Variants in ANKS1A observed in about 807,000 individuals in gnomAD.
ANKS1A encodes the protein ankyrin repeat and sterile alpha motif domain containing 1A, also known as ankyrin repeat and SAM domain-containing protein 1A.
In ANKS1A, 55 loss-of-function variants were observed where a neutral mutation model predicts 120.3. The observed-to-expected ratio is 0.46, with a 90% CI of 0.37 to 0.57. ANKS1A has a LOEUF of 0.57. Among genes scored for constraint, ANKS1A ranks in the 20% least tolerant of loss-of-function variants. The probability of loss-of-function intolerance (pLI) is 0.00; values close to 1 mark genes in which losing one functional copy is unlikely to be tolerated. For synonymous variants in ANKS1A, 590 were observed against 604.7 expected (o/e 0.98, Z 0.36); for missense variants, 1,123 against 1,480.3 (o/e 0.76, Z 3.96).
chr6:34,975,342 T>G (rs942569946), intron 3 of ANKS1A, among the ~76,000 whole-genome samples: 1 of 151,780 alleles, frequency 6.6e-6, no homozygotes, highest in African/African-American at 2.4e-5. Context: ...TAATCCCAGC[T>G]ACTCGGGAGG....
Position 35,090,114 on chromosome 6 carries a change from T to C in ANKS1A, c.*1505T>C, listed in dbSNP as rs1415777999. The C allele has an allele frequency of 4.7e-6, 6 of 1,289,154 alleles. No homozygotes were observed. The highest frequency in any genetic ancestry group is 3.0e-5 in the African/African-American group (2 of 65,868). The allele number at this position is 1,289,154 out of a possible 1,614,324, so 79.9% of individuals were successfully genotyped here. On this transcript the variant is annotated 3_prime_UTR_variant, in exon 24 of 24. Coordinates refer to ENST00000360359, the MANE Select transcript of ANKS1A (RefSeq NM_015245.3). ...TTCTATCTGCTAAGCACCCAGCAGG[T>C]TGGGGCCTGGGACTCAGCTCTCTCT...
At position 34,970,232 on chromosome 6, in the gene ANKS1A, A is replaced by G. The variant is rs185788787; in HGVS notation, c.435+66A>G. The G allele has an allele frequency of 5.7e-5, 86 of 1,505,090 alleles. No individual in the cohort carries two copies. In the East Asian group the frequency reaches 1.6e-3, roughly 28 times the overall value. The allele number at this position is 1,505,090 out of a possible 1,614,324, so 93.2% of individuals were successfully genotyped here. A position where few individuals can be genotyped will look rare whatever the true frequency, so the allele number is the denominator to read the frequency against. ...AGCCAGATGTGGCAACCCCATCACC[A>G]TCTTAGCCCCATAGTTCAAATCTCA... On this transcript the variant is annotated intron_variant, in intron 3 of 23. Coordinates refer to ENST00000360359, the MANE Select transcript of ANKS1A (RefSeq NM_015245.3).
In ANKS1A at chr6:35,082,803, G is replaced by T; in HGVS notation, c.2822G>T (p.Gly941Val). The change falls in exon 18 of 24, where the codon GGT (glycine) becomes GTT (valine). Residue 941 changes from glycine to valine, a missense_variant. Gly to Val is a moderately radical substitution (Grantham distance 109, BLOSUM62 -3). This residue lies in a region of ANKS1A where 904 missense variants were observed against 1,130.4 expected (regional missense o/e 0.80). Transcript: ENST00000360359. This position sits in a 1 kb window ranked among gnomAD's most constrained non-coding sequence, Gnocchi z 4.1. Reference sequence around the variant, plus strand: ...GAGAAACTCATCTTCGAGTCCTGTGGTTATGAAGCCAATGTGAGTTGCTCC... The same window carrying T: ...GAGAAACTCATCTTCGAGTCCTGTGTTTATGAAGCCAATGTGAGTTGCTCC... ...QPEKLIFESC[G>V]YEANYLGSML... The T allele has an allele frequency of 6.2e-7, 1 of 1,613,696 alleles. No individual in the cohort carries two copies. The highest frequency in any genetic ancestry group is 1.1e-5 in the South Asian group (1 of 91,032).
chr6:35,086,037 A>G lies in ANKS1A; in HGVS notation c.3303+101A>G. On this transcript the variant is annotated intron_variant, in intron 22 of 23. Transcript: ENST00000360359. The surrounding 1 kb of genome is among the most constrained non-coding windows in gnomAD (Gnocchi z 5.1). ...GGAGGGTCTTCTGGCACTTCCAGAAAGCTGGCCCTCCAGGGAAATGACCCT... is the reference window on the plus strand; with the variant it reads ...GGAGGGTCTTCTGGCACTTCCAGAAGGCTGGCCCTCCAGGGAAATGACCCT... 2 of 1,428,852 alleles carry G rather than the reference A, an allele frequency of 1.4e-6. No homozygotes were observed. The highest frequency in any genetic ancestry group is 1.8e-6 in the Non-Finnish European group (2 of 1,084,928). The allele number at this position is 1,428,852 out of a possible 1,614,324, so 88.5% of individuals were successfully genotyped here.
chr6:35,096,501 G>C, the ANKS1A span, among the ~76,000 whole-genome samples: 1 of 152,174 alleles, frequency 6.6e-6, no homozygotes, highest in African/African-American at 2.4e-5. Context: ...AAAGTATTGT[G>C]AACACTAATT....
At chr6:35,018,987 C>T (rs1042536338) in intron 11 of ANKS1A, among the ~76,000 whole-genome samples, 13 of 152,150 alleles carry the variant, frequency 8.5e-5, no homozygotes, top group African/African-American at 3.1e-4. Context: ...ATCCCACATT[C>T]CCAGATTGGT....
chr6:34,944,798 G>C (rs1769706064), intron 1 of ANKS1A, among the ~76,000 whole-genome samples: 1 of 152,214 alleles, frequency 6.6e-6, no homozygotes, highest in South Asian at 2.1e-4. Flanking sequence ...GTTGTTCAAG[G>C]GTCAGCTGTA....
Position 35,017,567 on chromosome 6 carries a change from C to G in ANKS1A, c.1518C>G (p.Ser506=). 6.2e-7 allele frequency: 1 copy of G among 1,614,080 alleles called. No homozygotes were observed. The highest frequency in any genetic ancestry group is 2.2e-5 in the East Asian group (1 of 44,880). The change falls in exon 11 of 24, where the codon TCC becomes TCG. Residue 506 remains serine, a synonymous_variant. Transcript: ENST00000360359. Reference sequence around the variant, plus strand: ...AGTTCTCAGGCCTCCTCCACGGCTCCTCCCCGGTGTGCGAGGTGGGGCAGG... The same window carrying G: ...AGTTCTCAGGCCTCCTCCACGGCTCGTCCCCGGTGTGCGAGGTGGGGCAGG... ...PEQFSGLLHG[S]SPVCEVGQDP... is the part of the protein sequence containing the mutation.
At chr6:34,915,998 T>TTTTC (rs1215154314) in intron 1 of ANKS1A, among the ~76,000 whole-genome samples, 1 of 125,076 alleles carries the variant, frequency 8.0e-6, no homozygotes, top group East Asian at 4.6e-4. Context: ...TTTTTTTTTT[T>TTTTC]TTTTTTTTTT....
chr6:35,004,838 G>T (rs1033920033), intron 10 of ANKS1A, among the ~76,000 whole-genome samples: 1 of 152,218 alleles, frequency 6.6e-6, no homozygotes, highest in African/African-American at 2.4e-5. Context: ...GAAAGAAAGT[G>T]TGGTGTATAT....
chr6:35,018,087 C>T (rs1350155556), intron 11 of ANKS1A, 28 bp downstream of exon 11: 7 of 1,598,170 alleles, frequency 4.4e-6, no homozygotes, highest in Admixed American at 1.7e-5. Flanking sequence ...TCACAGGGAG[C>T]TGGGCTGGCC....
At chr6:34,986,947 C>T (rs1435253788) in intron 8 of ANKS1A, among the ~76,000 whole-genome samples, 1 of 152,220 alleles carries the variant, frequency 6.6e-6, no homozygotes, top group East Asian at 1.9e-4. Flanking sequence ...CATTAGGGGG[C>T]GCTGCAGTCT....
At chr6:34,909,748 G>A (rs141903635) in intron 1 of ANKS1A, among the ~76,000 whole-genome samples, 67 of 152,336 alleles carry the variant, frequency 4.4e-4, no homozygotes, top group African/African-American at 1.5e-3. Context: ...AAGGGGCAGG[G>A]CTGGGGAAAT....
chr6:35,042,337 C>G (rs903574652), intron 11 of ANKS1A, among the ~76,000 whole-genome samples: 1 of 152,164 alleles, frequency 6.6e-6, no homozygotes, highest in African/African-American at 2.4e-5. Context: ...TGTCTCCCCC[C>G]TCTCATTTTC....
At chr6:34,898,597 G>A (rs1767206277) in intron 1 of ANKS1A, among the ~76,000 whole-genome samples, 1 of 152,118 alleles carries the variant, frequency 6.6e-6, no homozygotes, top group African/African-American at 2.4e-5. Context: ...GTAAACCTCT[G>A]CCTTTATGGT....
At chr6:34,992,872 G>A (rs946430383) in intron 9 of ANKS1A, among the ~76,000 whole-genome samples, 1 of 152,148 alleles carries the variant, frequency 6.6e-6, no homozygotes, top group African/African-American at 2.4e-5. Flanking sequence ...CGCTACTAGA[G>A]TCCTTGTTGT....
chr6:35,085,424 C>T lies in ANKS1A; in HGVS notation c.3133-342C>T, dbSNP rs1295186362. On this transcript the variant is annotated intron_variant, in intron 21 of 23. Coordinates refer to ENST00000360359, the MANE Select transcript of ANKS1A (RefSeq NM_015245.3). This position sits in a 1 kb window ranked among gnomAD's most constrained non-coding sequence, Gnocchi z 4.7. Reference sequence around the variant, plus strand: ...GCACTCACAGACTTTGTCGGTGACACATTAAAAATAAAAGCACTAGCACCA... The same window carrying T: ...GCACTCACAGACTTTGTCGGTGACATATTAAAAATAAAAGCACTAGCACCA... 1.3e-5 allele frequency among the ~76,000 whole-genome samples: 2 copies of T among 152,116 alleles called. No homozygotes were observed. The highest frequency in any genetic ancestry group is 6.5e-5 in the Admixed American group (1 of 15,278).
intron 1 of ANKS1A, among the ~76,000 whole-genome samples, chr6:34,898,222 C>T (rs1767187975): frequency 6.6e-6 from 1 of 152,284 alleles, no homozygotes; most frequent in Non-Finnish European, 1.5e-5. Context: ...TATAATAATT[C>T]ACAGCAGAAG....
rs138921707 is a variant in ANKS1A at position 34,987,923 on chromosome 6, A to G, written c.1210-1301A>G. Among the ~76,000 whole-genome samples the G allele has an allele frequency of 2.0e-3, 304 of 152,326 alleles. 2 individuals are homozygous for G. The highest frequency in any genetic ancestry group is 1.9e-3 in the Non-Finnish European group (131 of 68,022). On this transcript the variant is annotated intron_variant, in intron 8 of 23. Coordinates refer to ENST00000360359, the MANE Select transcript of ANKS1A (RefSeq NM_015245.3). The stretch of plus-strand genomic sequence containing the variant: ...TTGTTTTGGGTCCCCCACTGCCTTT[A>G]GTCGGAACACTGATTCTCAAGCATG...
Sources: gnomAD v4.1 joint callset for allele counts (sites outside exome capture counted in the v4.1 genomes callset) on GRCh38, gnomAD v4.1.1 for gene constraint, gnomAD v4.1.1 regional missense constraint, Gnocchi (gnomAD v3.1) non-coding constraint, MANE v1.5 for transcripts, NCBI Gene and HGNC (gene_info 2026-07-23, HGNC 2026-07-21) for gene names.